Variants in NDUFAF2 observed in about 807,000 individuals in gnomAD.
NDUFAF2 encodes the protein NADH:ubiquinone oxidoreductase complex assembly factor 2, also known as NADH dehydrogenase [ubiquinone] 1 alpha subcomplex assembly factor 2.
Under a neutral mutation model 22.8 loss-of-function variants are expected in NDUFAF2, and 13 were observed. The observed-to-expected ratio is 0.57, with a 90% CI of 0.37 to 0.91. The LOEUF (loss-of-function observed/expected upper bound fraction) is 0.91, where lower values mean the gene tolerates loss of function less well. NDUFAF2 is among the 40% of genes least tolerant of loss of function. The pLI is 0.01. For missense variants in NDUFAF2, 162 were observed against 195.2 expected (o/e 0.83, Z 1.01); for synonymous variants, 53 against 64.2 (o/e 0.83, Z 0.84).
intron 1 of NDUFAF2, among the ~76,000 whole-genome samples, chr5:61,015,742 T>C (rs980403539): frequency 6.6e-6 from 1 of 152,210 alleles, no homozygotes; most frequent in African/African-American, 2.4e-5. Context: ...TCCAAGTTTC[T>C]ATTTAAAAAT....
intron 1 of NDUFAF2, among the ~76,000 whole-genome samples, chr5:61,060,841 T>G (rs1752156273): frequency 6.6e-6 from 1 of 152,184 alleles, no homozygotes; most frequent in African/African-American, 2.4e-5. Flanking sequence ...ACCTTTGATT[T>G]GGTACTAGTG....
chr5:61,144,804 A>C (rs563043107), intron 3 of NDUFAF2, among the ~76,000 whole-genome samples: 53 of 152,320 alleles, frequency 3.5e-4, no homozygotes, highest in African/African-American at 1.3e-3. Flanking sequence ...AGGTTTAAAT[A>C]GCTTTAGTTT....
chr5:61,108,106 G>A (rs2111779978), intron 3 of NDUFAF2, among the ~76,000 whole-genome samples: 1 of 149,158 alleles, frequency 6.7e-6, no homozygotes, highest in Non-Finnish European at 1.5e-5. Context: ...ATCATTGTTG[G>A]ACATTTGGGT....
At chr5:60,976,447 G>A (rs1383104110) in intron 1 of NDUFAF2, among the ~76,000 whole-genome samples, 3 of 151,680 alleles carry the variant, frequency 2.0e-5, no homozygotes, top group Admixed American at 6.6e-5. Context: ...TCTGTCCTCC[G>A]CACTTATGTT....
At chr5:61,026,924 G>T (rs938517221) in intron 1 of NDUFAF2, among the ~76,000 whole-genome samples, 8 of 151,570 alleles carry the variant, frequency 5.3e-5, no homozygotes, top group African/African-American at 1.9e-4. Flanking sequence ...TGTGTTCATT[G>T]TTCCTGCAGA....
At chr5:61,025,543 C>G (rs1420867511) in intron 1 of NDUFAF2, among the ~76,000 whole-genome samples, 1 of 151,952 alleles carries the variant, frequency 6.6e-6, no homozygotes, top group East Asian at 1.9e-4. Flanking sequence ...TTCTATTTAG[C>G]TATTTAGTTG....
intron 1 of NDUFAF2, among the ~76,000 whole-genome samples, chr5:60,967,148 T>C (rs1192930343): frequency 1.3e-5 from 2 of 151,996 alleles, no homozygotes; most frequent in Non-Finnish European, 2.9e-5. Flanking sequence ...TTTTATTGGA[T>C]AGTTTATCAG....
intron 3 of NDUFAF2, among the ~76,000 whole-genome samples, chr5:61,124,654 A>G (rs1429489849): frequency 2.0e-5 from 3 of 152,122 alleles, no homozygotes; most frequent in Non-Finnish European, 4.4e-5. Flanking sequence ...ACCCTACCAC[A>G]TTGAAATGTT....
chr5:61,076,980 G>T lies in NDUFAF2; in HGVS notation c.217+3766G>T, dbSNP rs1042597662. Among the ~76,000 whole-genome samples the T allele has an allele frequency of 2.6e-5, 4 of 152,194 alleles. No homozygotes were observed. The East Asian group carries it at 7.7e-4, about 29-fold the overall frequency. On this transcript the variant is annotated intron_variant, in intron 2 of 3. Transcript: ENST00000296597. The stretch of plus-strand genomic sequence containing the variant: ...CTGTTTTGGCCTCACCTGGAAAAAG[G>T]AGTTGCTGTTAACTGACATGTGCAG...
intron 2 of NDUFAF2, among the ~76,000 whole-genome samples, chr5:61,077,829 G>A (rs1030916206): frequency 5.9e-5 from 9 of 152,166 alleles, no homozygotes; most frequent in Non-Finnish European, 1.2e-4. Context: ...AGGTAGATGG[G>A]TAGATGTGGT....
At chr5:61,040,286 A>ACACACACACACGCGCGCG (rs1491193758) in intron 1 of NDUFAF2, among the ~76,000 whole-genome samples, 9 of 93,072 alleles carry the variant, frequency 9.7e-5, no homozygotes, top group Admixed American at 3.1e-4. Flanking sequence ...ACACACACAC[A>ACACACACACACGCGCGCG]CGCGCGCGCG....
At chr5:61,018,811 G>A (rs1751543337) in intron 1 of NDUFAF2, among the ~76,000 whole-genome samples, 1 of 152,058 alleles carries the variant, frequency 6.6e-6, no homozygotes, top group Non-Finnish European at 1.5e-5. Flanking sequence ...TAGAGATTAT[G>A]ATTCCATAGG....
chr5:60,957,619 T>C (rs181802478), intron 1 of NDUFAF2, among the ~76,000 whole-genome samples: 39 of 152,252 alleles, frequency 2.6e-4, no homozygotes, highest in Non-Finnish European at 4.4e-5. Flanking sequence ...CTCAATTTAC[T>C]TGAAATTAGC....
At chr5:61,126,177 C>A (rs1753034095) in intron 3 of NDUFAF2, among the ~76,000 whole-genome samples, 1 of 151,850 alleles carries the variant, frequency 6.6e-6, no homozygotes, top group African/African-American at 2.4e-5. Flanking sequence ...GATTGCTTTT[C>A]ATCTTTAATG....
chr5:61,128,004 C>G (rs1392206371), intron 3 of NDUFAF2, among the ~76,000 whole-genome samples: 1 of 152,114 alleles, frequency 6.6e-6, no homozygotes, highest in Non-Finnish European at 1.5e-5. Flanking sequence ...ACACCAATAA[C>G]AGACAAACAG....
chr5:60,945,483 A>ACC, intron 1 of NDUFAF2, 101 bp downstream of exon 1: 1 of 1,506,972 alleles, frequency 6.6e-7, no homozygotes, highest in Non-Finnish European at 9.2e-7. Flanking sequence ...ATCATGCGAC[A>ACC]CTTAGGGTGT....
intron 1 of NDUFAF2, among the ~76,000 whole-genome samples, chr5:60,950,805 ATTG>A (rs1269926997): frequency 2.0e-5 from 3 of 151,996 alleles, no homozygotes; most frequent in Non-Finnish European, 4.4e-5. Context: ...AGTTTCTCCC[ATTG>A]TTAATATCTT....
chr5:61,128,670 A>T (rs295574), intron 3 of NDUFAF2, among the ~76,000 whole-genome samples: 6,617 of 152,310 alleles, frequency 0.043, 175 homozygotes, highest in South Asian at 0.08. Context: ...AAAGACTTAA[A>T]TGTTAGACCT....
chr5:61,022,525 C>G (rs1403672765), intron 1 of NDUFAF2, among the ~76,000 whole-genome samples: 1 of 152,166 alleles, frequency 6.6e-6, no homozygotes, highest in Non-Finnish European at 1.5e-5. Flanking sequence ...TTTGTTATTG[C>G]GTATGAGACA....
Sources: allele counts gnomAD v4.1 joint callset (sites outside exome capture counted in the v4.1 genomes callset), GRCh38; gene constraint gnomAD v4.1.1; transcripts MANE v1.5; gene names NCBI Gene and HGNC (gene_info 2026-07-23, HGNC 2026-07-21).